DCAF13: variants seen among roughly 807,000 people sequenced by gnomAD.
DCAF13 encodes DDB1 and CUL4 associated factor 13.
DCAF13 carries 38 observed loss-of-function variants against 59.0 expected under a neutral mutation model. The observed-to-expected ratio is 0.64, with a 90% CI of 0.50 to 0.84. The LOEUF (loss-of-function observed/expected upper bound fraction) is 0.84. Ranked by LOEUF, DCAF13 falls within the 40% of genes least tolerant of loss-of-function variation. The pLI is 0.00. For missense variants in DCAF13, 469 were observed against 558.4 expected, an observed-to-expected ratio of 0.84 and a Z score of 1.61; for synonymous variants, 173 against 175.0, an observed-to-expected ratio of 0.99 and a Z score of 0.09.
intron 8 of DCAF13, among the ~76,000 whole-genome samples, chr8:103,438,170 A>G (rs1201927283): frequency 6.6e-6 from 1 of 152,156 alleles, no homozygotes; most frequent in Admixed American, 6.5e-5. Context: ...CCCTACTTCA[A>G]ATGCATTATA....
chr8:103,418,791 A>G (rs572473870), intron 1 of DCAF13, among the ~76,000 whole-genome samples: 2 of 129,022 alleles, frequency 1.6e-5, no homozygotes, highest in East Asian at 4.8e-4. Flanking sequence ...GTTTTTTTAG[A>G]CATACGAGCT....
Position 103,426,075 on chromosome 8 carries a change from T to C in DCAF13, c.398T>C (p.Val133Ala). Reference sequence around the variant, plus strand: ...TTCTAGGTTGGTGATGACAAAACTGTGAAGCAGTGGAAAATGGATGGGCCA... The same window carrying C: ...TTCTAGGTTGGTGATGACAAAACTGCGAAGCAGTGGAAAATGGATGGGCCA... ...SFFTVGDDKT[V>A]KQWKMDGPGY... Residue 133 changes from valine to alanine, a missense_variant, in exon 4 of 11, where the codon GTG becomes GCG. Coordinates refer to ENST00000612750, the MANE Select transcript of DCAF13 (RefSeq NM_015420.7). The C allele has an allele frequency of 6.2e-7, 1 of 1,612,632 alleles. No homozygotes were observed. The highest frequency in any genetic ancestry group is 8.5e-7 in the Non-Finnish European group (1 of 1,179,016).
intron 1 of DCAF13, among the ~76,000 whole-genome samples, chr8:103,416,253 A>G (rs1169535315): frequency 6.6e-6 from 1 of 152,232 alleles, no homozygotes; most frequent in South Asian, 2.1e-4. Context: ...GTATTTCACT[A>G]TTTTGGTTGA....
chr8:103,426,334 AGT>A (rs1816792643), intron 4 of DCAF13, among the ~76,000 whole-genome samples, 189 bp downstream of exon 4: 1 of 147,968 alleles, frequency 6.8e-6, no homozygotes. Context: ...GAATTTTAAC[AGT>A]TTTTTTTTTT....
At position 103,430,552 on chromosome 8, in the gene DCAF13, A is replaced by T; in HGVS notation, c.625-60A>T. 4.5e-6 allele frequency: 5 copies of T among 1,117,562 alleles called. No individual in the cohort carries two copies. The Admixed American group carries it at 1.0e-4, about 23-fold the overall frequency. 69.2% of individuals were successfully genotyped at this position (1,117,562 alleles called of 1,614,324 possible). ...GGCAATTAAATCATTTGTTTACTGA[A>T]TGGATGTGGTTTGCTGCCAGGTCTG... On this transcript the variant is annotated intron_variant, in intron 5 of 10. Transcript: ENST00000612750.
chr8:103,426,550 A>C (rs2130483416), intron 4 of DCAF13, among the ~76,000 whole-genome samples: 1 of 152,288 alleles, frequency 6.6e-6, no homozygotes, highest in East Asian at 1.9e-4. Flanking sequence ...ATTTAATAGT[A>C]TTATGCATCA....
At chr8:103,429,766 A>T (rs1408729533) in intron 5 of DCAF13, 1 of 152,236 alleles carries the variant, frequency 6.6e-6, no homozygotes, top group Non-Finnish European at 1.5e-5. Flanking sequence ...ATTTTAAATG[A>T]CACTTTTAAA....
Position 103,441,557 on chromosome 8 carries a change from C to G in DCAF13, c.1189C>G (p.Pro397Ala). The change falls in exon 10 of 11, where the codon CCA becomes GCA. Residue 397 changes from proline to alanine, a missense_variant. By Grantham distance (27) the Pro-to-Ala change is conservative. Transcript: ENST00000612750. ...ACGTATAGCTCGTCATCGACATCTACCAAAATCTATCTATAGCCAGATTCA... is the reference window on the plus strand; with the variant it reads ...ACGTATAGCTCGTCATCGACATCTAGCAAAATCTATCTATAGCCAGATTCA... ...IKRIARHRHL[P>A]KSIYSQIQEQ... 4 of 1,609,082 alleles carry G rather than the reference C, an allele frequency of 2.5e-6. No individual in the cohort carries two copies. Among genetic ancestry groups the G allele is most frequent in the Non-Finnish European group, 3.4e-6 (4 of 1,178,918 alleles).
intron 3 of DCAF13, among the ~76,000 whole-genome samples, chr8:103,425,254 A>G (rs1816773044): frequency 6.6e-6 from 1 of 152,178 alleles, no homozygotes; most frequent in South Asian, 2.1e-4. Flanking sequence ...CACATTTATG[A>G]TTTTGTTTTC....
At position 103,442,917 on chromosome 8, in the gene DCAF13, T is replaced by C. The variant is rs1817029724; in HGVS notation, c.*35T>C. The C allele has an allele frequency of 7.0e-7, 1 of 1,433,782 alleles. No homozygotes were observed. Among genetic ancestry groups the C allele is most frequent in the Admixed American group, 2.1e-5 (1 of 46,694 alleles). 88.8% of individuals were successfully genotyped at this position (1,433,782 alleles called of 1,614,324 possible). A position where few individuals can be genotyped will look rare whatever the true frequency, so the allele number is the denominator to read the frequency against. Reference sequence around the variant, plus strand: ...CTAACAATCCTGATGTATAATTATTTGTTACTTTTGATTTGAGAACTCTAC... The same window carrying C: ...CTAACAATCCTGATGTATAATTATTCGTTACTTTTGATTTGAGAACTCTAC... On this transcript the variant is annotated 3_prime_UTR_variant, in exon 11 of 11. Coordinates refer to ENST00000612750, the MANE Select transcript of DCAF13 (RefSeq NM_015420.7).
chr8:103,438,700 T>C (rs1586134814), intron 8 of DCAF13, among the ~76,000 whole-genome samples: 1 of 152,166 alleles, frequency 6.6e-6, no homozygotes, highest in African/African-American at 2.4e-5. Context: ...TTGCCTACTT[T>C]AGAGATATTT....
intron 3 of DCAF13, among the ~76,000 whole-genome samples, chr8:103,425,223 A>G (rs572858345): frequency 2.0e-5 from 3 of 152,224 alleles, no homozygotes; most frequent in Non-Finnish European, 4.4e-5. Context: ...GCAGTTTTGT[A>G]TGTATGCAGT....
intron 1 of DCAF13, among the ~76,000 whole-genome samples, chr8:103,417,017 TAAAC>T (rs1304868673): frequency 3.3e-5 from 5 of 152,358 alleles, no homozygotes; most frequent in Non-Finnish European, 7.3e-5. Flanking sequence ...ATATATTAAA[TAAAC>T]GTGGCCAATT....
At chr8:103,428,532 C>A (rs1816822779) in intron 5 of DCAF13, 1 of 152,212 alleles carries the variant, frequency 6.6e-6, no homozygotes. Flanking sequence ...TCTATTATAT[C>A]TTTCTCACTC....
intron 1 of DCAF13, among the ~76,000 whole-genome samples, chr8:103,419,205 G>T (rs989886137): frequency 6.6e-6 from 1 of 151,902 alleles, no homozygotes; most frequent in Non-Finnish European, 1.5e-5. Context: ...TATTAACCAA[G>T]ACAATGTGTT....
At position 103,440,151 on chromosome 8, in the gene DCAF13, A is replaced by G. The variant is rs745740639; in HGVS notation, c.966A>G (p.Thr322=). The change falls in exon 9 of 11, where the codon ACA becomes ACG. Residue 322 remains threonine (T), a synonymous_variant. Coordinates refer to ENST00000612750, the MANE Select transcript of DCAF13 (RefSeq NM_015420.7). ...DKSRSREVYH[T]KRMQHVICVK... is the part of the protein sequence containing the mutation. ...TTTTCTATAGGGAGGTATATCATAC[A>G]AAGAGAATGCAACATGTTATCTGTG... 6.3e-7 allele frequency: 1 copy of G among 1,589,408 alleles called. No homozygotes were observed. The highest frequency in any genetic ancestry group is 1.2e-5 in the South Asian group (1 of 86,200).
chr8:103,438,453 C>G (rs1197254738), intron 8 of DCAF13, among the ~76,000 whole-genome samples: 1 of 146,048 alleles, frequency 6.8e-6, no homozygotes, highest in Non-Finnish European at 1.5e-5. Flanking sequence ...CAGAGTCTGG[C>G]TCTGTCAGCC....
intron 1 of DCAF13, among the ~76,000 whole-genome samples, chr8:103,417,642 A>G: frequency 1.3e-5 from 1 of 77,784 alleles, no homozygotes; most frequent in Non-Finnish European, 2.2e-5. Flanking sequence ...ACTCCGTCTC[A>G]AAAAAAAAAA....
rs1256688894 is a variant in DCAF13, at chr8:103,420,262, A to T, written c.71-2A>T. 1 of 1,612,534 alleles carries T rather than the reference A, an allele frequency of 6.2e-7. No individual in the cohort carries two copies. ...TATTAAGAAGGATCATTCTTATTTC[A>T]GTTCCAAGAAACTATGATCCTGCTT... On this transcript the variant is annotated splice_acceptor_variant, in intron 1 of 10. Transcript: ENST00000612750. LOFTEE classifies it high-confidence loss of function.
Sources: allele counts gnomAD v4.1 joint callset (sites outside exome capture counted in the v4.1 genomes callset), GRCh38; gene constraint gnomAD v4.1.1; transcripts MANE v1.5; gene names NCBI Gene and HGNC (gene_info 2026-07-23, HGNC 2026-07-21).